The following SNTG1 variants were observed in gnomAD, a reference collection of about 807,000 sequenced individuals.
SNTG1 encodes the protein syntrophin gamma 1.
In SNTG1, 39 loss-of-function variants were observed where a neutral mutation model predicts 74.7. That is an observed-to-expected ratio of 0.52 (90% confidence interval 0.40 to 0.68). The LOEUF is 0.68. SNTG1 is among the 30% of genes least tolerant of loss of function. The pLI, the probability that SNTG1 is intolerant of heterozygous loss-of-function variation, is 0.00. For synonymous variants in SNTG1, 254 were observed against 217.1 expected (o/e 1.17, Z -1.49); for missense variants, 685 against 609.5 (o/e 1.12, Z -1.30).
intron 2 of SNTG1, among the ~76,000 whole-genome samples, chr8:50,221,686 G>C (rs144118278): frequency 5.7e-4 from 87 of 152,180 alleles, no homozygotes; most frequent in African/African-American, 1.6e-3. Context: ...TTTTTTATTG[G>C]ACACATAATA....
chr8:49,971,019 T>A (rs528380551), intron 1 of SNTG1, among the ~76,000 whole-genome samples: 1 of 152,280 alleles, frequency 6.6e-6, no homozygotes, highest in South Asian at 2.1e-4. Flanking sequence ...ACTCATTTTA[T>A]GAGGCCAGCA....
intron 11 of SNTG1, among the ~76,000 whole-genome samples, chr8:50,542,854 A>AT (rs1284906771): frequency 2.0e-5 from 3 of 151,990 alleles, no homozygotes; most frequent in Non-Finnish European, 4.4e-5. Context: ...ATATTGAGCA[A>AT]TTTTTCATAT....
chr8:50,472,138 TTGG>T (rs1475953406), intron 8 of SNTG1, among the ~76,000 whole-genome samples: 9 of 151,840 alleles, frequency 5.9e-5, no homozygotes, highest in Non-Finnish European at 1.0e-4. Flanking sequence ...ATTTACAGAG[TTGG>T]TGTGATCTCT....
intron 2 of SNTG1, among the ~76,000 whole-genome samples, chr8:50,183,348 T>A (rs549278796): frequency 1.3e-5 from 2 of 152,306 alleles, no homozygotes; most frequent in African/African-American, 4.8e-5. Context: ...TTTGTGCATT[T>A]GTCTGCAGGT....
chr8:50,089,931 C>CCAA (rs1563577334), intron 1 of SNTG1, among the ~76,000 whole-genome samples: 4 of 152,170 alleles, frequency 2.6e-5, no homozygotes, highest in Non-Finnish European at 5.9e-5. Context: ...GACTATAAAT[C>CCAA]ATGCTGCTAT....
intron 17 of SNTG1, among the ~76,000 whole-genome samples, chr8:50,746,545 C>T (rs1563802836): frequency 2.0e-5 from 3 of 151,946 alleles, no homozygotes; most frequent in East Asian, 3.9e-4. Flanking sequence ...AACTGAGAAC[C>T]TGTCACAGCC....
At chr8:50,689,054 T>C (rs1280397770) in intron 15 of SNTG1, among the ~76,000 whole-genome samples, 1 of 138,766 alleles carries the variant, frequency 7.2e-6, no homozygotes, top group Non-Finnish European at 1.5e-5. Flanking sequence ...TTTGGCTCTC[T>C]GTTTGTCTGT....
At chr8:50,299,883 A>G (rs1169145764) in intron 2 of SNTG1, among the ~76,000 whole-genome samples, 1 of 152,100 alleles carries the variant, frequency 6.6e-6, no homozygotes, top group Non-Finnish European at 1.5e-5. Context: ...CCCATTTACT[A>G]AACTTTGGTG....
At chr8:50,617,479 G>GA (rs2094892727) in intron 13 of SNTG1, among the ~76,000 whole-genome samples, 1 of 151,754 alleles carries the variant, frequency 6.6e-6, no homozygotes, top group Non-Finnish European at 1.5e-5. Context: ...GCTGAGCTAA[G>GA]AAAATATAAG....
chr8:50,209,536 A>C (rs1051602023), intron 2 of SNTG1, among the ~76,000 whole-genome samples: 1 of 152,160 alleles, frequency 6.6e-6, no homozygotes, highest in African/African-American at 2.4e-5. Context: ...CAGGGGAAGA[A>C]TCAGGCAGCA....
In SNTG1 at chr8:50,124,582, G is replaced by T. The variant is rs2081086115; in HGVS notation, c.-102-47979G>T. Among the ~76,000 whole-genome samples the T allele has an allele frequency of 1.4e-5, 2 of 142,010 alleles. 1 individual carries two copies. Among genetic ancestry groups the T allele is most frequent in the Admixed American group, 1.4e-4 (2 of 13,796 alleles). The allele number at this position is 142,010 out of a possible 152,430, so 93.2% of individuals were successfully genotyped here. ...ATATAAGATGCTGAATAGCAATACG[G>T]TCCTAATTGCATGATTGAAATGGAC... On this transcript the variant is annotated intron_variant, in intron 1 of 18. Transcript: ENST00000642720.
chr8:50,627,044 G>A (rs562990734), intron 13 of SNTG1, among the ~76,000 whole-genome samples: 88 of 152,140 alleles, frequency 5.8e-4, no homozygotes, highest in African/African-American at 2.0e-3. Flanking sequence ...CGACTGCACA[G>A]CTTATTATTT....
intron 2 of SNTG1, among the ~76,000 whole-genome samples, chr8:50,175,289 C>G (rs903870499): frequency 2.6e-5 from 4 of 152,162 alleles, no homozygotes; most frequent in Non-Finnish European, 4.4e-5. Context: ...AATCGCCACA[C>G]CGAAGCAGCA....
intron 1 of SNTG1, among the ~76,000 whole-genome samples, chr8:49,956,202 T>C (rs969248700): frequency 1.3e-5 from 2 of 152,206 alleles, no homozygotes; most frequent in Non-Finnish European, 2.9e-5. Context: ...TAATTTTAGG[T>C]TCTGCAAAGA....
At chr8:50,666,753 A>G (rs1320099081) in intron 15 of SNTG1, among the ~76,000 whole-genome samples, 1 of 152,104 alleles carries the variant, frequency 6.6e-6, no homozygotes, top group Non-Finnish European at 1.5e-5. Flanking sequence ...TCAAATTAAG[A>G]ATAGCTAAGA....
intron 1 of SNTG1, among the ~76,000 whole-genome samples, chr8:49,998,752 G>A (rs140559909): frequency 4.3e-4 from 66 of 152,096 alleles, no homozygotes; most frequent in African/African-American, 1.3e-3. Context: ...TGATAATGAT[G>A]CCTTCATCTG....
At chr8:50,502,922 A>G in intron 9 of SNTG1, 42 bp downstream of exon 9, 2 of 1,419,754 alleles carry the variant, frequency 1.4e-6, no homozygotes, top group South Asian at 1.2e-5. Flanking sequence ...TCACATCATT[A>G]TAGTTACATA....
chr8:50,317,803 T>C (rs1325981363), intron 2 of SNTG1, among the ~76,000 whole-genome samples: 1 of 152,228 alleles, frequency 6.6e-6, no homozygotes, highest in Non-Finnish European at 1.5e-5. Flanking sequence ...GATTAAGTAC[T>C]ATCTCTATGA....
At position 50,793,050 on chromosome 8, in the gene SNTG1, G is replaced by A; in HGVS notation, c.*221G>A. The stretch of plus-strand genomic sequence containing the variant: ...GAACAGAACAGCTTGTTCTCACTCA[G>A]TTGCTTTGTACCAGTAAGTGTATTG... On this transcript the variant is annotated 3_prime_UTR_variant, in exon 19 of 19. Transcript: ENST00000642720. The A allele has an allele frequency of 2.6e-6, 1 of 377,942 alleles. No individual in the cohort carries two copies. 23.4% of individuals were successfully genotyped at this position (377,942 alleles called of 1,614,324 possible). A position where few individuals can be genotyped will look rare whatever the true frequency, so the allele number is the denominator to read the frequency against.
Sources: gnomAD v4.1 joint callset for allele counts (sites outside exome capture counted in the v4.1 genomes callset) on GRCh38, gnomAD v4.1.1 for gene constraint, MANE v1.5 for transcripts, NCBI Gene and HGNC (gene_info 2026-07-23, HGNC 2026-07-21) for gene names.